MYO6: variants seen among roughly 807,000 people sequenced by gnomAD.
The protein encoded by MYO6 is unconventional myosin-VI.
Under a neutral mutation model 178.7 loss-of-function variants are expected in MYO6, and 74 were observed. The ratio of observed to expected loss-of-function variants is 0.41; its 90% CI spans 0.34 to 0.50. MYO6 has a LOEUF of 0.50. Ranked by LOEUF, MYO6 falls within the 20% of genes least tolerant of loss-of-function variation. MYO6 has a pLI of 0.09. For synonymous variants in MYO6, 477 were observed against 504.6 expected (o/e 0.95, Z 0.73); for missense variants, 1,330 against 1,547.4 (o/e 0.86, Z 2.36).
intron 15 of MYO6, 146 bp from the exon 16 acceptor site, chr6:75,862,450 T>C (rs1422678500): frequency 1.3e-6 from 1 of 741,366 alleles, no homozygotes; most frequent in East Asian, 2.7e-5. Flanking sequence ...CCGTCAGCTC[T>C]CTATAACTTT....
intron 31 of MYO6, 118 bp from the exon 32 acceptor site, chr6:75,908,378 T>C (rs927464401): frequency 1.1e-6 from 1 of 925,550 alleles, no homozygotes; most frequent in Non-Finnish European, 1.7e-6. Flanking sequence ...TACTTTTGAT[T>C]TTGTACCATT....
intron 1 of MYO6, among the ~76,000 whole-genome samples, chr6:75,752,131 T>G (rs1307677502): frequency 2.6e-5 from 4 of 152,058 alleles, no homozygotes; most frequent in African/African-American, 9.7e-5. Context: ...TAGCTGAGAT[T>G]ACAGGTGCCC....
intron 4 of MYO6, among the ~76,000 whole-genome samples, chr6:75,829,176 T>C (rs895161923): frequency 6.6e-6 from 1 of 152,102 alleles, no homozygotes; most frequent in Non-Finnish European, 1.5e-5. Flanking sequence ...ACCTTGAAAG[T>C]CCAGAATATT....
chr6:75,906,934 G>GT (rs1237719406), intron 30 of MYO6, among the ~76,000 whole-genome samples: 1 of 152,140 alleles, frequency 6.6e-6, no homozygotes, highest in East Asian at 1.9e-4. Flanking sequence ...ATGAGGGTGT[G>GT]TTTTTTGTGT....
At position 75,855,283 on chromosome 6, in the gene MYO6, A is replaced by G; in HGVS notation, c.1223A>G (p.Lys408Arg). Reference sequence around the variant, plus strand: ...GGGGGCACCAAAGGAACAGTTATAAAGTAAGTTCCTTAAGTAATTGCACTG... The same window carrying G: ...GGGGGCACCAAAGGAACAGTTATAAGGTAAGTTCCTTAAGTAATTGCACTG... ...TAGGTKGTVI[K>R]VPLKVEQANN... The change falls in exon 12 of 35, where the codon AAG becomes AGG. Residue 408 changes from lysine (K) to arginine (R), a missense_variant and splice_region_variant. Transcript: ENST00000369977. 6.2e-7 allele frequency: 1 copy of G among 1,613,296 alleles called. No homozygotes were observed. The highest frequency in any genetic ancestry group is 8.5e-7 in the Non-Finnish European group (1 of 1,179,468).
intron 1 of MYO6, among the ~76,000 whole-genome samples, chr6:75,805,958 A>G (rs1450209140): frequency 6.6e-6 from 1 of 152,218 alleles, no homozygotes. Flanking sequence ...ATGTTTAGTT[A>G]GAATGAATAT....
At position 75,890,185 on chromosome 6, in the gene MYO6, T is replaced by G. The variant is rs886061763; in HGVS notation, c.2787T>G (p.Ile929Met). The G allele has an allele frequency of 2.8e-5, 45 of 1,611,628 alleles. No homozygotes were observed. The highest frequency in any genetic ancestry group is 3.8e-5 in the Non-Finnish European group (45 of 1,178,448). Residue 929 changes from isoleucine (I) to methionine (M), a missense_variant, in exon 26 of 35, where the codon ATT becomes ATG. Physicochemically the swap from Ile to Met is conservative, Grantham distance 10 (BLOSUM62 1). Coordinates refer to ENST00000369977, the MANE Select transcript of MYO6 (RefSeq NM_004999.4). Reference sequence around the variant, plus strand: ...AGGAAGCAGAAAGGCTGAGGCGTATTCAAGAAGAAATGGAAAAGGAAAGAA... The same window carrying G: ...AGGAAGCAGAAAGGCTGAGGCGTATGCAAGAAGAAATGGAAAAGGAAAGAA... ...QEEEAERLRR[I>M]QEEMEKERKR...
chr6:75,782,213 A>C (rs537142638), intron 1 of MYO6, among the ~76,000 whole-genome samples: 1 of 152,278 alleles, frequency 6.6e-6, no homozygotes, highest in South Asian at 2.1e-4. Context: ...ATTTAATGAT[A>C]GACCAAAATG....
In MYO6 at chr6:75,862,653, T is replaced by C; in HGVS notation, c.1604T>C (p.Leu535Pro). Reference sequence around the variant, plus strand: ...GATATTTTGGATGAAGAAAATCGCCTTCCCCAGCCAAGTGATCAACACTTT... The same window carrying C: ...GATATTTTGGATGAAGAAAATCGCCCTCCCCAGCCAAGTGATCAACACTTT... The part of the protein sequence containing the change: ...ILDILDEENR[L>P]PQPSDQHFTS... The change falls in exon 16 of 35, where the codon CTT (leucine) becomes CCT (proline). Residue 535 changes from leucine to proline, a missense_variant. Physicochemically the swap from Leu to Pro is moderately conservative, Grantham distance 98. Transcript: ENST00000369977. 1.2e-6 allele frequency: 2 copies of C among 1,614,038 alleles called. No individual in the cohort carries two copies. The highest frequency in any genetic ancestry group is 1.7e-6 in the Non-Finnish European group (2 of 1,179,922).
At chr6:75,834,913 G>A (rs1773492243) in intron 6 of MYO6, among the ~76,000 whole-genome samples, 1 of 152,088 alleles carries the variant, frequency 6.6e-6, no homozygotes, top group Non-Finnish European at 1.5e-5. Flanking sequence ...TTTCCTGTAT[G>A]TAATAGTCTA....
intron 16 of MYO6, among the ~76,000 whole-genome samples, chr6:75,863,719 C>T (rs966385020): frequency 2.6e-5 from 4 of 151,914 alleles, no homozygotes; most frequent in African/African-American, 9.7e-5. Context: ...CTCTTGACCT[C>T]ATGATCTCCC....
intron 6 of MYO6, 42 bp downstream of exon 6, chr6:75,832,989 T>A (rs1773265378): frequency 7.4e-7 from 1 of 1,343,204 alleles, no homozygotes. Flanking sequence ...TAGGTTGATC[T>A]TTTTTTTCCC....
rs1778406463 is a variant in MYO6 at position 75,766,215 on chromosome 6, T to G, written c.-48+16792T>G. Among the ~76,000 whole-genome samples, 4 of 151,822 alleles carry G rather than the reference T, an allele frequency of 2.6e-5. No individual in the cohort carries two copies. The South Asian group carries it at 8.3e-4, about 32-fold the overall frequency. On this transcript the variant is annotated intron_variant, in intron 1 of 34. Coordinates refer to ENST00000369977, the MANE Select transcript of MYO6 (RefSeq NM_004999.4). The stretch of plus-strand genomic sequence containing the variant: ...GCGGGTGCCTGTAATCCCAGCTACG[T>G]GGGAGGCTGAGGCAGGAGAATCGCT...
chr6:75,783,555 T>C (rs1266581371), intron 1 of MYO6, among the ~76,000 whole-genome samples: 1 of 150,196 alleles, frequency 6.7e-6, no homozygotes, highest in South Asian at 2.1e-4. Context: ...TTTGATATCT[T>C]CTTTTTTTTT....
chr6:75,869,125 A>AAGG (rs2149318123), intron 18 of MYO6, among the ~76,000 whole-genome samples: 1 of 130,162 alleles, frequency 7.7e-6, no homozygotes, highest in South Asian at 2.4e-4. Flanking sequence ...TCTGTGGATG[A>AAGG]AGGAGTCTGG....
At chr6:75,814,377 C>G (rs926739593) in intron 1 of MYO6, among the ~76,000 whole-genome samples, 1 of 152,118 alleles carries the variant, frequency 6.6e-6, no homozygotes, top group African/African-American at 2.4e-5. Context: ...CTGGTTTTAA[C>G]TGGTACATTG....
In MYO6 at chr6:75,754,498, C is replaced by T. The variant is rs534726807; in HGVS notation, c.-48+5075C>T. On this transcript the variant is annotated intron_variant, in intron 1 of 34. Transcript: ENST00000369977. ...TTGGGCCACTGCAGTCCAGCCTGGACGATTGAGTGAGACTCCGTCTCAAAA... is the reference window on the plus strand; with the variant it reads ...TTGGGCCACTGCAGTCCAGCCTGGATGATTGAGTGAGACTCCGTCTCAAAA... 2.6e-4 allele frequency among the ~76,000 whole-genome samples: 29 copies of T among 109,938 alleles called. 1 individual carries two copies. The South Asian group carries it at 6.0e-3, about 23-fold the overall frequency. The allele number at this position is 109,938 out of a possible 152,430, so 72.1% of individuals were successfully genotyped here.
At chr6:75,839,765 G>A (rs527813477) in intron 7 of MYO6, among the ~76,000 whole-genome samples, 1 of 152,038 alleles carries the variant, frequency 6.6e-6, no homozygotes, top group Non-Finnish European at 1.5e-5. Context: ...AGGTAATTCT[G>A]TAAACTCTTA....
At chr6:75,853,046 G>A (rs1364921352) in intron 11 of MYO6, among the ~76,000 whole-genome samples, 2 of 152,142 alleles carry the variant, frequency 1.3e-5, no homozygotes, top group Admixed American at 1.3e-4. Flanking sequence ...GGTGTGACGT[G>A]TTATCTTTTT....
Sources: allele counts gnomAD v4.1 joint callset (sites outside exome capture counted in the v4.1 genomes callset), GRCh38; gene constraint gnomAD v4.1.1; transcripts MANE v1.5; gene names NCBI Gene and HGNC (gene_info 2026-07-23, HGNC 2026-07-21).